Variants in POF1B observed in about 807,000 individuals in gnomAD.
POF1B encodes protein POF1B.
In POF1B, 53 loss-of-function variants were observed where a neutral mutation model predicts 55.3. The observed-to-expected ratio is 0.96, with a 90% CI of 0.77 to 1.20. The LOEUF (loss-of-function observed/expected upper bound fraction) is 1.20. POF1B is among the 50% of genes most tolerant of loss of function. The pLI, the probability that POF1B is intolerant of heterozygous loss-of-function variation, is 0.00. For missense variants in POF1B, 478 were observed against 420.5 expected, an observed-to-expected ratio of 1.14 and a Z score of -1.20; for synonymous variants, 188 against 148.3, an observed-to-expected ratio of 1.27 and a Z score of -1.95.
rs1444297046 is a variant in POF1B, at chrX:85,321,990, A to G, written c.855-6256T>C. 8.1e-5 allele frequency among the ~76,000 whole-genome samples: 9 copies of G among 110,969 alleles called. No individual in the cohort carries two copies. In the East Asian group the frequency reaches 2.0e-3, roughly 24 times the overall value. ...CATTCCATGTTCATGGGTAGGAAGA[A>G]TCAATATCGTGAAAATGGCCATACT... On this transcript the variant is annotated intron_variant, in intron 7 of 16. Coordinates refer to ENST00000262753, the MANE Select transcript of POF1B (RefSeq NM_024921.4).
intron 9 of POF1B, among the ~76,000 whole-genome samples, chrX:85,312,002 G>C (rs1932712976): frequency 8.9e-6 from 1 of 111,775 alleles, no homozygotes. Flanking sequence ...CATACCCTTT[G>C]GCCACTTTTT....
intron 7 of POF1B, among the ~76,000 whole-genome samples, chrX:85,329,696 C>T (rs990734341): frequency 1.9e-5 from 2 of 103,019 alleles, no homozygotes; most frequent in African/African-American, 7.1e-5. Flanking sequence ...TGGGGTTTTG[C>T]TAAGTGGGAA....
At chrX:85,340,624 G>A (rs947522905) in intron 6 of POF1B, among the ~76,000 whole-genome samples, 15 of 111,153 alleles carry the variant, frequency 1.3e-4, no homozygotes, top group African/African-American at 4.9e-4. Context: ...AAAGGGTACT[G>A]ATGTGGTTGG....
chrX:85,379,614 G>T, intron 1 of POF1B, 25 bp downstream of exon 1: 1 of 542,631 alleles, frequency 1.8e-6, no homozygotes, highest in Non-Finnish European at 2.9e-6. Context: ...TGCCAATAGT[G>T]GTGCCGGGAA....
chrX:85,360,370 C>A (rs1268615851), intron 3 of POF1B, among the ~76,000 whole-genome samples: 3 of 104,941 alleles, frequency 2.9e-5, no homozygotes, highest in Non-Finnish European at 3.9e-5. Context: ...TCCATGATTT[C>A]TCATTATTTA....
In POF1B at chrX:85,279,375, CAAA is replaced by C; in HGVS notation, c.*43_*45del. 9.5e-7 allele frequency: 1 copy of C among 1,055,788 alleles called. No homozygotes were observed. Among genetic ancestry groups the C allele is most frequent in the Non-Finnish European group, 1.3e-6 (1 of 771,998 alleles). The allele number at this position is 1,055,788 out of a possible 1,213,427, so 87.0% of individuals were successfully genotyped here. ...AAGTACTAATGCAGAGACACACACA[CAAA>C]AAAAAAACGGCTTTGAGTTGTAATA... is the stretch of plus-strand genomic sequence containing the variant. On this transcript the variant is annotated 3_prime_UTR_variant, in exon 17 of 17. Transcript: ENST00000262753.
chrX:85,337,990 T>G (rs946555610), intron 6 of POF1B, among the ~76,000 whole-genome samples: 1 of 111,727 alleles, frequency 9.0e-6, no homozygotes, highest in Non-Finnish European at 1.9e-5. Flanking sequence ...GCTACTGAAA[T>G]GACAGAATAA....
intron 15 of POF1B, among the ~76,000 whole-genome samples, chrX:85,296,392 C>T (rs982393535): frequency 8.9e-6 from 1 of 111,839 alleles, no homozygotes; most frequent in African/African-American, 3.2e-5. Context: ...ATTTCATTTC[C>T]ATGTTTATCA....
At chrX:85,287,038 T>C (rs1346166846) in intron 15 of POF1B, among the ~76,000 whole-genome samples, 4 of 111,387 alleles carry the variant, frequency 3.6e-5, no homozygotes, top group Non-Finnish European at 5.7e-5. Flanking sequence ...AATTAGAAAA[T>C]ATTTTGAACT....
intron 15 of POF1B, among the ~76,000 whole-genome samples, chrX:85,283,295 A>T (rs895366805): frequency 4.5e-5 from 5 of 111,209 alleles, no homozygotes; most frequent in African/African-American, 1.6e-4. Flanking sequence ...CTGATAAAAA[A>T]ATTAGTAGGT....
At position 85,281,902 on chromosome X, in the gene POF1B, A is replaced by T. The variant is rs891837781; in HGVS notation, c.1764+301T>A. ...GTTTTGGAAAATTTTAATGGAACCC[A>T]TTCAATAACTACCGAGCTAGGCAAG... On this transcript the variant is annotated intron_variant, in intron 16 of 16. Coordinates refer to ENST00000262753, the MANE Select transcript of POF1B (RefSeq NM_024921.4). Among the ~76,000 whole-genome samples the T allele has an allele frequency of 3.6e-5, 4 of 110,192 alleles. No individual in the cohort carries two copies. In the Admixed American group the frequency reaches 3.9e-4, roughly 11 times the overall value.
intron 15 of POF1B, among the ~76,000 whole-genome samples, chrX:85,294,060 T>G (rs1308128359): frequency 8.9e-6 from 1 of 111,958 alleles, no homozygotes; most frequent in Non-Finnish European, 1.9e-5. Context: ...CTACTGAATT[T>G]TTACATTAGT....
At chrX:85,315,681 C>G in intron 8 of POF1B, 26 bp downstream of exon 8, 1 of 1,122,958 alleles carries the variant, frequency 8.9e-7, no homozygotes, top group East Asian at 3.2e-5. Context: ...ATACTATATT[C>G]GATTTTCAAC....
At chrX:85,316,664 AAAGT>A (rs1292426172) in intron 7 of POF1B, among the ~76,000 whole-genome samples, 1 of 111,711 alleles carries the variant, frequency 9.0e-6, no homozygotes, top group African/African-American at 3.3e-5. Flanking sequence ...TATTTTATTT[AAAGT>A]AATTAACTTG....
At chrX:85,286,900 C>T (rs369194400) in intron 15 of POF1B, among the ~76,000 whole-genome samples, 4 of 110,812 alleles carry the variant, frequency 3.6e-5, no homozygotes, top group South Asian at 3.7e-4. Flanking sequence ...GATTTTGGCA[C>T]GCCTTTCAAG....
At chrX:85,314,711 A>G (rs1356413132) in intron 8 of POF1B, among the ~76,000 whole-genome samples, 3 of 112,091 alleles carry the variant, frequency 2.7e-5, no homozygotes, top group Non-Finnish European at 5.7e-5. Context: ...GTATAAAAAT[A>G]ATCCTGAATT....
chrX:85,286,634 G>T (rs1398407515), intron 15 of POF1B, among the ~76,000 whole-genome samples: 1 of 111,333 alleles, frequency 9.0e-6, no homozygotes, highest in Non-Finnish European at 1.9e-5. Flanking sequence ...CTAATCAAAA[G>T]AAAGTTGGAG....
chrX:85,289,545 T>C (rs1932135619), intron 15 of POF1B, among the ~76,000 whole-genome samples: 2 of 111,222 alleles, frequency 1.8e-5, no homozygotes, highest in Admixed American at 1.9e-4. Flanking sequence ...AGTGTAAAAA[T>C]ATAACTGGGT....
At chrX:85,325,088 A>G (rs923706443) in intron 7 of POF1B, among the ~76,000 whole-genome samples, 1 of 111,668 alleles carries the variant, frequency 9.0e-6, no homozygotes, top group Non-Finnish European at 1.9e-5. Context: ...TTCCCTTTGT[A>G]GGTGACCTGC....
Sources: gnomAD v4.1 joint callset for allele counts (sites outside exome capture counted in the v4.1 genomes callset) on GRCh38, gnomAD v4.1.1 for gene constraint, MANE v1.5 for transcripts, NCBI Gene and HGNC (gene_info 2026-07-23, HGNC 2026-07-21) for gene names.